Variants in KCNIP4 observed in about 807,000 individuals in gnomAD.
The protein encoded by KCNIP4 is potassium voltage-gated channel interacting protein 4.
In KCNIP4, 12 loss-of-function variants were observed where a neutral mutation model predicts 34.0. The ratio of observed to expected loss-of-function variants is 0.35; its 90% confidence interval spans 0.23 to 0.57. The LOEUF is 0.57. Ranked by LOEUF, KCNIP4 falls within the 20% of genes least tolerant of loss-of-function variation. The pLI is 0.83. For synonymous variants in KCNIP4, 124 were observed against 102.2 expected (o/e 1.21, Z -1.29); for missense variants, 238 against 311.7 (o/e 0.76, Z 1.78).
chr4:21,238,308 GA>G (rs1316377693), intron 1 of KCNIP4, among the ~76,000 whole-genome samples: 1 of 152,146 alleles, frequency 6.6e-6, no homozygotes, highest in Non-Finnish European at 1.5e-5. Flanking sequence ...CATTCCCTTT[GA>G]AAACTGGCAC....
At chr4:21,628,855 G>C (rs17487317) in intron 1 of KCNIP4, among the ~76,000 whole-genome samples, 43,430 of 152,050 alleles carry the variant, frequency 0.29, 6,400 homozygotes, top group Non-Finnish European at 0.32. Context: ...CATTTGATTA[G>C]CACTTGCAAG....
At chr4:21,693,624 A>G (rs1711939071) in intron 1 of KCNIP4, among the ~76,000 whole-genome samples, 1 of 152,194 alleles carries the variant, frequency 6.6e-6, no homozygotes, top group South Asian at 2.1e-4. Flanking sequence ...TTGACCCACA[A>G]TAACTTCAGT....
At chr4:21,476,794 G>A (rs17464752) in intron 1 of KCNIP4, among the ~76,000 whole-genome samples, 19,000 of 152,136 alleles carry the variant, frequency 0.12, 1,354 homozygotes, top group South Asian at 0.21. Flanking sequence ...TCCTTTGGGG[G>A]CCAAAATAAT....
rs188653640 is a variant in KCNIP4, at chr4:21,342,784, C to A, written c.62-460075G>T. On this transcript the variant is annotated intron_variant, in intron 1 of 8. Coordinates refer to ENST00000382152, the MANE Select transcript of KCNIP4 (RefSeq NM_025221.6). ...AAAAATCCTGCCACTTACGTATATG[C>A]ACTTTTTTTTTCCTCTCTGTGAAAT... 1.4e-4 allele frequency among the ~76,000 whole-genome samples: 21 copies of A among 152,116 alleles called. No individual in the cohort carries two copies. In the East Asian group the frequency reaches 3.9e-3, roughly 28 times the overall value.
chr4:21,388,063 C>T (rs921829297), intron 1 of KCNIP4, among the ~76,000 whole-genome samples: 31 of 98,922 alleles, frequency 3.1e-4, no homozygotes, highest in Non-Finnish European at 2.2e-4. Context: ...CTAGAGAGGG[C>T]TGCTTTGAGC....
rs145502078 is a variant in KCNIP4 at position 20,774,117 on chromosome 4, G to A, written c.289-15227C>T. Among the ~76,000 whole-genome samples, 13 of 152,248 alleles carry A rather than the reference G, an allele frequency of 8.5e-5. No individual in the cohort carries two copies. The East Asian group carries it at 2.3e-3, about 27-fold the overall frequency. On this transcript the variant is annotated intron_variant, in intron 3 of 8. Coordinates refer to ENST00000382152, the MANE Select transcript of KCNIP4 (RefSeq NM_025221.6). ...TGAGGCTTAAATAAAGATAACCCAT[G>A]CACAATGTCTAGCGTCGTGCCTGGA...
At chr4:21,747,997 G>C (rs1207003784) in intron 1 of KCNIP4, among the ~76,000 whole-genome samples, 1 of 152,166 alleles carries the variant, frequency 6.6e-6, no homozygotes, top group East Asian at 1.9e-4. Flanking sequence ...CCAGAAGCTG[G>C]AAGAGGAAGG....
At chr4:21,913,163 T>C (rs1387485917) in intron 1 of KCNIP4, among the ~76,000 whole-genome samples, 1 of 151,922 alleles carries the variant, frequency 6.6e-6, no homozygotes, top group Non-Finnish European at 1.5e-5. Flanking sequence ...ATGCTTTCCT[T>C]TGAATGTTTC....
intron 1 of KCNIP4, among the ~76,000 whole-genome samples, chr4:21,427,456 C>A (rs571064776): frequency 6.6e-6 from 1 of 151,944 alleles, no homozygotes; most frequent in East Asian, 1.9e-4. Context: ...CTAATGAAAC[C>A]AAGTACAGTC....
chr4:21,264,969 T>G (rs1267818878), intron 1 of KCNIP4, among the ~76,000 whole-genome samples: 1 of 151,922 alleles, frequency 6.6e-6, no homozygotes, highest in Admixed American at 6.6e-5. Flanking sequence ...CGTGGTGACT[T>G]GCGCCTGTGA....
intron 1 of KCNIP4, among the ~76,000 whole-genome samples, chr4:21,710,872 C>T (rs557133382): frequency 3.2e-4 from 48 of 152,302 alleles, no homozygotes; most frequent in African/African-American, 1.1e-3. Context: ...GATTTATTCA[C>T]CCTTACCCCT....
chr4:20,983,893 C>T (rs1448520584), intron 1 of KCNIP4: 1 of 1,536,080 alleles, frequency 6.5e-7, no homozygotes, highest in Non-Finnish European at 8.7e-7. Flanking sequence ...CCACTGTTTG[C>T]AGTCCTTCGG....
chr4:21,523,339 G>A (rs962824856), intron 1 of KCNIP4, among the ~76,000 whole-genome samples: 6 of 152,024 alleles, frequency 3.9e-5, no homozygotes, highest in Non-Finnish European at 5.9e-5. Flanking sequence ...GTCTGTGTGT[G>A]TTTACCACCG....
rs528209844 is a variant in KCNIP4, at chr4:20,877,749, T to C, written c.163+4859A>G. Among the ~76,000 whole-genome samples the C allele has an allele frequency of 2.6e-5, 4 of 152,312 alleles. No individual in the cohort carries two copies. In the East Asian group the frequency reaches 7.7e-4, roughly 29 times the overall value. On this transcript the variant is annotated intron_variant, in intron 2 of 8. Transcript: ENST00000382152. ...TGAATTTTTCCAGTAAGTTTTCTTC[T>C]ATGGGTATGACAGTCTCAAATCTTG...
chr4:21,292,351 T>A (rs966211476), intron 1 of KCNIP4, among the ~76,000 whole-genome samples: 19 of 152,266 alleles, frequency 1.2e-4, no homozygotes, highest in Admixed American at 9.2e-4. Context: ...CTACAATATT[T>A]GTTTTTGCAA....
intron 1 of KCNIP4, among the ~76,000 whole-genome samples, chr4:21,237,086 T>G (rs10516377): frequency 0.061 from 9,226 of 151,674 alleles, 327 homozygotes; most frequent in East Asian, 0.14. Context: ...AAGAGCATAT[T>G]ATAAAACCAC....
chr4:21,765,493 G>A (rs1391528452), intron 1 of KCNIP4, among the ~76,000 whole-genome samples: 2 of 151,906 alleles, frequency 1.3e-5, no homozygotes, highest in African/African-American at 2.4e-5. Flanking sequence ...GGGGAAAAGT[G>A]GTCAATTTCT....
intron 1 of KCNIP4, among the ~76,000 whole-genome samples, chr4:21,378,410 G>A (rs1050599848): frequency 2.0e-5 from 3 of 152,090 alleles, no homozygotes; most frequent in Non-Finnish European, 2.9e-5. Flanking sequence ...TTATCTCATA[G>A]TGTCAGTGAT....
intron 1 of KCNIP4, among the ~76,000 whole-genome samples, chr4:20,962,536 G>A (rs1577443436): frequency 6.6e-6 from 1 of 152,196 alleles, no homozygotes; most frequent in African/African-American, 2.4e-5. Context: ...CAGAACAAGA[G>A]ATGTTGTCAG....
Sources: allele counts gnomAD v4.1 joint callset (sites outside exome capture counted in the v4.1 genomes callset), GRCh38; gene constraint gnomAD v4.1.1; transcripts MANE v1.5; gene names NCBI Gene and HGNC (gene_info 2026-07-23, HGNC 2026-07-21).